OPCML: variants seen among roughly 807,000 people sequenced by gnomAD.
OPCML encodes the protein opioid-binding protein/cell adhesion molecule.
A neutral mutation model predicts 37.8 loss-of-function variants in OPCML; 13 were observed. The observed-to-expected ratio is 0.34, with a 90% CI of 0.22 to 0.55. The LOEUF is 0.55. Ranked by LOEUF, OPCML falls within the 20% of genes least tolerant of loss-of-function variation. The pLI is 0.91. For synonymous variants in OPCML, 176 were observed against 168.8 expected (o/e 1.04, Z -0.33); for missense variants, 341 against 435.6 (o/e 0.78, Z 1.93).
At chr11:132,504,552 G>T (rs2096252294) in intron 4 of OPCML, among the ~76,000 whole-genome samples, 1 of 151,740 alleles carries the variant, frequency 6.6e-6, no homozygotes, top group Non-Finnish European at 1.5e-5. Flanking sequence ...CAGGCTGGAG[G>T]ATCCACTTGG....
At chr11:133,133,521 G>C (rs1029202534) in intron 1 of OPCML, among the ~76,000 whole-genome samples, 1 of 152,112 alleles carries the variant, frequency 6.6e-6, no homozygotes, top group Non-Finnish European at 1.5e-5. Flanking sequence ...AACACAGGCA[G>C]CCCGTTCTCC....
At chr11:132,677,276 T>C (rs1052886449) in intron 2 of OPCML, among the ~76,000 whole-genome samples, 3 of 152,162 alleles carry the variant, frequency 2.0e-5, no homozygotes, top group Admixed American at 1.3e-4. Flanking sequence ...AGGTGTTCCA[T>C]GTTCACAAAC....
At position 132,669,104 on chromosome 11, in the gene OPCML, T is replaced by C. The variant is rs114493576; in HGVS notation, c.147-11785A>G. 2.8e-3 allele frequency among the ~76,000 whole-genome samples: 429 copies of C among 152,218 alleles called. 3 individuals are homozygous for C. The highest frequency in any genetic ancestry group is 9.7e-3 in the African/African-American group (402 of 41,534). On this transcript the variant is annotated intron_variant, in intron 2 of 7. Coordinates refer to ENST00000524381, the MANE Select transcript of OPCML (RefSeq NM_001012393.5). ...ATAATTGGGAGATCAATCAACACAA[T>C]TGTGCACACCTGAAGCAGAATTCAG...
intron 1 of OPCML, among the ~76,000 whole-genome samples, chr11:133,178,554 C>T (rs569356331): frequency 2.2e-4 from 34 of 152,086 alleles, no homozygotes; most frequent in Non-Finnish European, 4.4e-4. Flanking sequence ...GGAAATAAGA[C>T]ATACTTCTCA....
chr11:132,926,106 G>A (rs1172358398), intron 2 of OPCML, among the ~76,000 whole-genome samples: 1 of 152,100 alleles, frequency 6.6e-6, no homozygotes, highest in African/African-American at 2.4e-5. Flanking sequence ...TGACCACCAT[G>A]GCAAGAATAG....
intron 1 of OPCML, among the ~76,000 whole-genome samples, chr11:133,351,444 A>G (rs1315237780): frequency 6.6e-6 from 1 of 152,112 alleles, no homozygotes; most frequent in Non-Finnish European, 1.5e-5. Context: ...TAAACCCCAA[A>G]ACATACTTGC....
At chr11:132,422,092 T>C (rs1316647075) in intron 7 of OPCML, among the ~76,000 whole-genome samples, 3 of 152,202 alleles carry the variant, frequency 2.0e-5, no homozygotes, top group Non-Finnish European at 4.4e-5. Flanking sequence ...ATGGCATATA[T>C]ACTAGACTAG....
chr11:133,022,530 C>T (rs899609953), intron 1 of OPCML, among the ~76,000 whole-genome samples: 1 of 151,866 alleles, frequency 6.6e-6, no homozygotes, highest in Non-Finnish European at 1.5e-5. Flanking sequence ...CACACCCTCC[C>T]GTCTTTTGCT....
chr11:132,665,582 A>C (rs575169385), intron 2 of OPCML, among the ~76,000 whole-genome samples: 1 of 152,196 alleles, frequency 6.6e-6, no homozygotes, highest in African/African-American at 2.4e-5. Flanking sequence ...AGGAGAGAGG[A>C]GGAGAATTCC....
At chr11:133,167,225 G>C (rs1271053447) in intron 1 of OPCML, among the ~76,000 whole-genome samples, 1 of 151,996 alleles carries the variant, frequency 6.6e-6, no homozygotes, top group African/African-American at 2.4e-5. Flanking sequence ...TTGGGTCTTT[G>C]CTTCCCTCAT....
At chr11:133,079,495 A>C (rs976098749) in intron 1 of OPCML, among the ~76,000 whole-genome samples, 3 of 152,162 alleles carry the variant, frequency 2.0e-5, no homozygotes, top group African/African-American at 7.2e-5. Flanking sequence ...ATAAATCAAA[A>C]ATCTCTATAT....
At chr11:133,194,735 A>T (rs1339159760) in intron 1 of OPCML, among the ~76,000 whole-genome samples, 1 of 152,194 alleles carries the variant, frequency 6.6e-6, no homozygotes, top group Non-Finnish European at 1.5e-5. Flanking sequence ...ATGAAATTCA[A>T]AATCTATGCT....
At chr11:132,682,268 T>C (rs1272508257) in intron 2 of OPCML, among the ~76,000 whole-genome samples, 1 of 152,198 alleles carries the variant, frequency 6.6e-6, no homozygotes, top group African/African-American at 2.4e-5. Context: ...ATTTCCTGTT[T>C]CAGTAGGTTT....
intron 4 of OPCML, among the ~76,000 whole-genome samples, chr11:132,480,324 G>C (rs991938884): frequency 5.3e-5 from 8 of 152,142 alleles, no homozygotes; most frequent in African/African-American, 7.2e-5. Flanking sequence ...AGAGAAAAAA[G>C]AATAAAAAGA....
chr11:132,661,900 G>C (rs1941991318), intron 2 of OPCML, among the ~76,000 whole-genome samples: 1 of 152,096 alleles, frequency 6.6e-6, no homozygotes, highest in Non-Finnish European at 1.5e-5. Flanking sequence ...CCAAGGCACA[G>C]ATAAGAAAAA....
intron 1 of OPCML, among the ~76,000 whole-genome samples, chr11:133,491,205 T>C (rs1947647784): frequency 6.6e-6 from 1 of 152,160 alleles, no homozygotes; most frequent in Non-Finnish European, 1.5e-5. Flanking sequence ...AGGCAATCAA[T>C]GGGTGTGCAG....
chr11:133,418,760 G>C (rs758486647), intron 1 of OPCML, among the ~76,000 whole-genome samples: 26 of 152,226 alleles, frequency 1.7e-4, no homozygotes, highest in Non-Finnish European at 2.8e-4. Flanking sequence ...TAAGATGTAG[G>C]CGTGGTTAAA....
chr11:133,038,473 G>T (rs1405844172), intron 1 of OPCML, among the ~76,000 whole-genome samples: 1 of 152,122 alleles, frequency 6.6e-6, no homozygotes, highest in Non-Finnish European at 1.5e-5. Context: ...AATTAATATT[G>T]ATTGACAATT....
Position 132,887,251 on chromosome 11 carries a change from G to A in OPCML, c.146+55675C>T, listed in dbSNP as rs528829568. ...CAGTAACACTAGCCTAGGAGCAGTCGGCTCCACCACGGAGCCTAGGTGTGT... is the reference window on the plus strand; with the variant it reads ...CAGTAACACTAGCCTAGGAGCAGTCAGCTCCACCACGGAGCCTAGGTGTGT... On this transcript the variant is annotated intron_variant, in intron 2 of 7. Coordinates refer to ENST00000524381, the MANE Select transcript of OPCML (RefSeq NM_001012393.5). Among the ~76,000 whole-genome samples, 14 of 152,244 alleles carry A rather than the reference G, an allele frequency of 9.2e-5. No homozygotes were observed. In the East Asian group the frequency reaches 1.9e-3, roughly 21 times the overall value.
Sources: gnomAD v4.1 joint callset for allele counts (sites outside exome capture counted in the v4.1 genomes callset) on GRCh38, gnomAD v4.1.1 for gene constraint, MANE v1.5 for transcripts, NCBI Gene and HGNC (gene_info 2026-07-23, HGNC 2026-07-21) for gene names.